ATP8A2: variants seen among roughly 807,000 people sequenced by gnomAD.
ATP8A2 encodes the protein ATPase phospholipid transporting 8A2.
A neutral mutation model predicts 165.6 loss-of-function variants in ATP8A2; 100 were observed. That is an observed-to-expected ratio of 0.60 (90% CI 0.51 to 0.71). The LOEUF is 0.71. Ranked by LOEUF, ATP8A2 falls within the 30% of genes least tolerant of loss-of-function variation. The pLI, the probability that ATP8A2 is intolerant of heterozygous loss-of-function variation, is 0.00. For missense variants in ATP8A2, 1,227 were observed against 1,479.5 expected (o/e 0.83, Z 2.80); for synonymous variants, 543 against 548.8 (o/e 0.99, Z 0.15).
intron 13 of ATP8A2, among the ~76,000 whole-genome samples, chr13:25,558,144 C>T (rs1409501403): frequency 6.6e-6 from 1 of 152,154 alleles, no homozygotes; most frequent in Admixed American, 6.5e-5. Context: ...TCAGGTGATC[C>T]ACCCGCCTTG....
In ATP8A2 at chr13:25,953,564, GAC is replaced by G. The variant is rs1413381542; in HGVS notation, c.3184-8010_3184-8009del. Among the ~76,000 whole-genome samples the G allele has an allele frequency of 1.2e-3, 168 of 143,852 alleles. 1 individual carries two copies. Among genetic ancestry groups the G allele is most frequent in the African/African-American group, 3.2e-3 (124 of 38,826 alleles). 94.4% of individuals were successfully genotyped at this position (143,852 alleles called of 152,430 possible). Reference sequence around the variant, plus strand: ...AAAAAAAAGCAAGGGAAATAGGCAAGACGGCCAAATAGGAACAGCTCCAGTCT... The same window carrying G: ...AAAAAAAAGCAAGGGAAATAGGCAAGGGCCAAATAGGAACAGCTCCAGTCT... On this transcript the variant is annotated intron_variant, in intron 33 of 36. Coordinates refer to ENST00000381655, the MANE Select transcript of ATP8A2 (RefSeq NM_016529.6). This position sits in a 1 kb window ranked among gnomAD's most constrained non-coding sequence, Gnocchi z 6.7.
chr13:25,412,396 C>A (rs1379823265), intron 1 of ATP8A2, among the ~76,000 whole-genome samples: 1 of 152,152 alleles, frequency 6.6e-6, no homozygotes, highest in Non-Finnish European at 1.5e-5. Context: ...GATTTATCTT[C>A]CAAGCAATAA....
intron 33 of ATP8A2, among the ~76,000 whole-genome samples, chr13:25,945,766 G>C (rs1023155839): frequency 2.0e-5 from 3 of 152,194 alleles, no homozygotes; most frequent in Admixed American, 1.3e-4. Flanking sequence ...CTCCGGGAAG[G>C]CTGCCTGAGG....
Position 25,931,818 on chromosome 13 carries a change from G to A in ATP8A2, c.3184-29757G>A, listed in dbSNP as rs981128585. On this transcript the variant is annotated intron_variant, in intron 33 of 36. Transcript: ENST00000381655. ...TCCCAGCACTTTGGGAGGCCGAGGC[G>A]GGCGTTTCACCTGAAGTCAGGAGTT... Among the ~76,000 whole-genome samples, 114 of 152,004 alleles carry A rather than the reference G, an allele frequency of 7.5e-4. 1 individual carries two copies. Among genetic ancestry groups the A allele is most frequent in the African/African-American group, 2.5e-3 (102 of 41,432 alleles).
intron 23 of ATP8A2, among the ~76,000 whole-genome samples, chr13:25,584,164 G>A (rs4384467): frequency 0.51 from 78,285 of 152,040 alleles, 23,644 homozygotes; most frequent in Non-Finnish European, 0.7. Context: ...GGGTGACGCC[G>A]AGAATTTAAA....
chr13:25,892,218 C>A lies in ATP8A2; in HGVS notation c.3183+29810C>A, dbSNP rs139149419. On this transcript the variant is annotated intron_variant, in intron 33 of 36. Transcript: ENST00000381655. ...GGTCTTGATCTCCTGACCTCATGAT[C>A]CACCCGCCTCAGCCTCCAAAGTGCT... 4.6e-3 allele frequency among the ~76,000 whole-genome samples: 693 copies of A among 152,062 alleles called. 7 individuals carry two copies. Among genetic ancestry groups the A allele is most frequent in the Middle Eastern group, 0.017 (5 of 294 alleles).
At chr13:25,893,760 G>T (rs368629490) in intron 33 of ATP8A2, among the ~76,000 whole-genome samples, 1 of 152,112 alleles carries the variant, frequency 6.6e-6, no homozygotes, top group Non-Finnish European at 1.5e-5. Flanking sequence ...GTGTGAGATG[G>T]TATCTCATTG....
intron 24 of ATP8A2, among the ~76,000 whole-genome samples, chr13:25,619,530 T>TA (rs1223572789): frequency 1.3e-5 from 2 of 152,070 alleles, no homozygotes; most frequent in Non-Finnish European, 2.9e-5. Context: ...CATGCTATGT[T>TA]AAAAAAACAG....
intron 36 of ATP8A2, among the ~76,000 whole-genome samples, chr13:26,018,781 T>C (rs1031085027): frequency 1.3e-5 from 2 of 152,178 alleles, no homozygotes; most frequent in African/African-American, 2.4e-5. Flanking sequence ...TCTGTGACCT[T>C]GGGCAGGTCA....
intron 25 of ATP8A2, among the ~76,000 whole-genome samples, chr13:25,715,043 T>C (rs2043228001): frequency 6.6e-6 from 1 of 152,232 alleles, no homozygotes; most frequent in African/African-American, 2.4e-5. Flanking sequence ...TAGTATTTGC[T>C]TTCCCATTCT....
In ATP8A2 at chr13:26,023,690, T is replaced by C. The variant is rs987130315; in HGVS notation, c.*3705T>C. On this transcript the variant is annotated 3_prime_UTR_variant, in exon 37 of 37. Transcript: ENST00000381655. The stretch of plus-strand genomic sequence containing the variant: ...TCCAAGGGATTTATGTCTTAGACCA[T>C]AGCTGAATTGAATGTTTGCAAAACA... 4 of 152,226 alleles carry C rather than the reference T, an allele frequency of 2.6e-5. No homozygotes were observed. Among genetic ancestry groups the C allele is most frequent in the South Asian group, 2.1e-4 (1 of 4,834 alleles). 9.4% of individuals were successfully genotyped at this position (152,226 alleles called of 1,614,324 possible).
intron 1 of ATP8A2, among the ~76,000 whole-genome samples, chr13:25,391,219 T>G (rs973848199): frequency 2.0e-5 from 3 of 152,190 alleles, no homozygotes; most frequent in Non-Finnish European, 4.4e-5. Context: ...TGAGGCTTCA[T>G]CTGCATTTTT....
chr13:25,663,951 G>A (rs917975702), intron 24 of ATP8A2, among the ~76,000 whole-genome samples: 1 of 152,210 alleles, frequency 6.6e-6, no homozygotes, highest in East Asian at 1.9e-4. Flanking sequence ...GCTCACGCCT[G>A]TAATCCCAGC....
chr13:25,937,362 C>CTTTCTTTTTTTTTTTTTTTTT lies in ATP8A2; in HGVS notation c.3184-24210_3184-24209insCTTTTTTTTTTTTTTTTTTTT. 1.3e-3 allele frequency among the ~76,000 whole-genome samples: 50 copies of CTTTCTTTTTTTTTTTTTTTTT among 38,798 alleles called. 3 individuals are homozygous for CTTTCTTTTTTTTTTTTTTTTT. The highest frequency in any genetic ancestry group is 2.2e-3 in the East Asian group (1 of 462). The allele number at this position is 38,798 out of a possible 152,430, so 25.5% of individuals were successfully genotyped here. The stretch of plus-strand genomic sequence containing the variant: ...TGCTTTGTCTTTCTATTCTTTCTTT[C>CTTTCTTTTTTTTTTTTTTTTT]TTTTTTTTTTTTTTTTTGAACAGCC... On this transcript the variant is annotated intron_variant, in intron 33 of 36. Transcript: ENST00000381655.
intron 1 of ATP8A2, among the ~76,000 whole-genome samples, chr13:25,454,171 C>T (rs1195847296): frequency 6.6e-6 from 1 of 152,160 alleles, no homozygotes; most frequent in Non-Finnish European, 1.5e-5. Flanking sequence ...TTGCGTTTGG[C>T]TCCCTGTGTT....
chr13:25,511,228 A>AT (rs35363277), intron 2 of ATP8A2, among the ~76,000 whole-genome samples: 41,434 of 151,720 alleles, frequency 0.27, 7,389 homozygotes, highest in Middle Eastern at 0.43. Context: ...TCCTTAAACA[A>AT]TTTTTTTTGC....
At position 25,372,187 on chromosome 13, in the gene ATP8A2, G is replaced by A. The variant is rs2032424423; in HGVS notation, c.-26G>A. 3 of 1,416,238 alleles carry A rather than the reference G, an allele frequency of 2.1e-6. No homozygotes were observed. Among genetic ancestry groups the A allele is most frequent in the Non-Finnish European group, 1.9e-6 (2 of 1,073,026 alleles). The allele number at this position is 1,416,238 out of a possible 1,614,324, so 87.7% of individuals were successfully genotyped here. On this transcript the variant is annotated 5_prime_UTR_variant, in exon 1 of 37. Coordinates refer to ENST00000381655, the MANE Select transcript of ATP8A2 (RefSeq NM_016529.6). This position sits in a 1 kb window ranked among gnomAD's most constrained non-coding sequence, Gnocchi z 4.8. ...GCGTAGCCTCCGTCTCTCGCCCGGG[G>A]CCGCCGAGCCCCCGACACGGGCGAG...
At chr13:25,785,029 C>T (rs2044989516) in intron 27 of ATP8A2, among the ~76,000 whole-genome samples, 1 of 151,844 alleles carries the variant, frequency 6.6e-6, no homozygotes, top group Non-Finnish European at 1.5e-5. Flanking sequence ...TCCCAAAGTG[C>T]CGGGATTACA....
At chr13:25,518,222 A>G (rs944865829) in intron 2 of ATP8A2, among the ~76,000 whole-genome samples, 1 of 152,216 alleles carries the variant, frequency 6.6e-6, no homozygotes, top group South Asian at 2.1e-4. Flanking sequence ...ACTTCCAATC[A>G]TCTAGAACTC....
Sources: allele counts gnomAD v4.1 joint callset (sites outside exome capture counted in the v4.1 genomes callset), GRCh38; gene constraint gnomAD v4.1.1; non-coding constraint Gnocchi (gnomAD v3.1); transcripts MANE v1.5; gene names NCBI Gene and HGNC (gene_info 2026-07-23, HGNC 2026-07-21).